CCDC60: variants seen among roughly 807,000 people sequenced by gnomAD.
CCDC60 encodes the protein coiled-coil domain-containing protein 60.
A neutral mutation model predicts 63.5 loss-of-function variants in CCDC60; 54 were observed. That is an observed-to-expected ratio of 0.85 (90% CI 0.68 to 1.07). The LOEUF is 1.07. Among genes scored for constraint, CCDC60 ranks in the 50% least tolerant of loss-of-function variants. The probability of loss-of-function intolerance (pLI) is 0.00; values close to 1 mark genes in which losing one functional copy is unlikely to be tolerated. For missense variants in CCDC60, 651 were observed against 684.3 expected, an observed-to-expected ratio of 0.95 and a Z score of 0.54; for synonymous variants, 206 against 238.8, an observed-to-expected ratio of 0.86 and a Z score of 1.27.
intron 1 of CCDC60, among the ~76,000 whole-genome samples, chr12:119,358,153 C>T (rs572458180): frequency 1.3e-5 from 2 of 152,316 alleles, no homozygotes; most frequent in East Asian, 3.9e-4. Flanking sequence ...CACCAGGCCC[C>T]ACCTCCAACA....
chr12:119,355,359 T>C (rs1469715435), intron 1 of CCDC60, among the ~76,000 whole-genome samples: 1 of 152,236 alleles, frequency 6.6e-6, no homozygotes, highest in Non-Finnish European at 1.5e-5. Context: ...TCTCCTTGTT[T>C]TCTTCCTCCC....
chr12:119,444,484 T>G (rs1284253534), intron 2 of CCDC60, among the ~76,000 whole-genome samples: 1 of 152,224 alleles, frequency 6.6e-6, no homozygotes, highest in East Asian at 1.9e-4. Context: ...TTCTTTTATT[T>G]TTCCAGTTAG....
At chr12:119,433,337 G>T (rs1950266713) in intron 2 of CCDC60, 1 of 693,442 alleles carries the variant, frequency 1.4e-6, no homozygotes, top group Middle Eastern at 3.4e-4. Flanking sequence ...CCCAACAGAC[G>T]CATTAAATGT....
At chr12:119,523,450 G>T (rs146478185) in intron 10 of CCDC60, among the ~76,000 whole-genome samples, 220 of 152,336 alleles carry the variant, frequency 1.4e-3, no homozygotes, top group African/African-American at 4.9e-3. Flanking sequence ...GTGACCAGTT[G>T]TCTCACTGTG....
Position 119,426,797 on chromosome 12 carries a change from G to A in CCDC60, c.91-1886G>A, listed in dbSNP as rs35320334. 8.8e-3 allele frequency among the ~76,000 whole-genome samples: 1,342 copies of A among 152,242 alleles called. 22 individuals are homozygous for A. Among genetic ancestry groups the A allele is most frequent in the African/African-American group, 0.03 (1,258 of 41,528 alleles). ...CCAGGAGAAAAATGGAATCAAGCAG[G>A]CCAGAAGCAGTTCCTTCCTCCACTT... On this transcript the variant is annotated intron_variant, in intron 1 of 13. Transcript: ENST00000327554.
At chr12:119,515,711 G>A (rs1271345335) in intron 7 of CCDC60, among the ~76,000 whole-genome samples, 1 of 152,132 alleles carries the variant, frequency 6.6e-6, no homozygotes, top group Non-Finnish European at 1.5e-5. Context: ...GAGAGCAGTC[G>A]CCTATCTAAA....
At chr12:119,382,391 G>T (rs979516683) in intron 1 of CCDC60, among the ~76,000 whole-genome samples, 2 of 152,210 alleles carry the variant, frequency 1.3e-5, no homozygotes, top group African/African-American at 4.8e-5. Flanking sequence ...CACCATTTCT[G>T]CCCTCTGTCT....
intron 13 of CCDC60, among the ~76,000 whole-genome samples, chr12:119,538,848 T>C (rs915747013): frequency 1.2e-4 from 18 of 152,238 alleles, no homozygotes; most frequent in Non-Finnish European, 1.9e-4. Context: ...TGGTCTCTGA[T>C]GTTGGTGACC....
intron 2 of CCDC60, among the ~76,000 whole-genome samples, chr12:119,458,004 T>G (rs2136298084): frequency 6.6e-6 from 1 of 152,324 alleles, no homozygotes; most frequent in East Asian, 1.9e-4. Flanking sequence ...CTCTATGGGT[T>G]GCCTGAAAAT....
chr12:119,339,789 C>T (rs2136141127), intron 1 of CCDC60, among the ~76,000 whole-genome samples: 1 of 152,322 alleles, frequency 6.6e-6, no homozygotes, highest in East Asian at 1.9e-4. Flanking sequence ...GCCGGGGTGA[C>T]AGAGCGAGAT....
intron 2 of CCDC60, among the ~76,000 whole-genome samples, chr12:119,469,646 G>A (rs1465203623): frequency 1.3e-5 from 2 of 152,240 alleles, no homozygotes; most frequent in East Asian, 1.9e-4. Flanking sequence ...GCCCAGCGGG[G>A]GCAATTGTGC....
At chr12:119,489,658 G>T (rs948399105) in intron 5 of CCDC60, among the ~76,000 whole-genome samples, 7 of 152,162 alleles carry the variant, frequency 4.6e-5, no homozygotes, top group African/African-American at 1.7e-4. Context: ...CAAAAGTAAA[G>T]AACCCTGACT....
intron 1 of CCDC60, among the ~76,000 whole-genome samples, chr12:119,397,421 C>T (rs577861080): frequency 2.6e-5 from 4 of 151,916 alleles, no homozygotes; most frequent in African/African-American, 4.8e-5. Flanking sequence ...CTGATTGGTG[C>T]GTTTACAATC....
chr12:119,529,782 G>C (rs113433280), intron 12 of CCDC60, among the ~76,000 whole-genome samples: 2,469 of 152,234 alleles, frequency 0.016, 56 homozygotes, highest in African/African-American at 0.056. Flanking sequence ...GAATTTGGGG[G>C]GAGGAGGAAA....
intron 1 of CCDC60, among the ~76,000 whole-genome samples, chr12:119,376,782 G>A (rs191129953): frequency 7.2e-5 from 11 of 152,234 alleles, no homozygotes; most frequent in African/African-American, 2.4e-4. Flanking sequence ...CAACAGAGTG[G>A]CTACTTTATA....
intron 9 of CCDC60, among the ~76,000 whole-genome samples, chr12:119,521,017 T>C (rs1952512181): frequency 1.3e-5 from 2 of 152,194 alleles, no homozygotes; most frequent in South Asian, 4.1e-4. Context: ...ATCTATGGAC[T>C]CCTTTAAGAA....
At chr12:119,426,355 T>A (rs2102955) in intron 1 of CCDC60, among the ~76,000 whole-genome samples, 66,954 of 147,440 alleles carry the variant, frequency 0.45, 14,999 homozygotes, top group South Asian at 0.67. Context: ...TTATTTATTT[T>A]TGTTTTGTTT....
chr12:119,385,256 C>A (rs1272934600), intron 1 of CCDC60, among the ~76,000 whole-genome samples: 1 of 152,300 alleles, frequency 6.6e-6, no homozygotes, highest in Middle Eastern at 3.4e-3. Flanking sequence ...CCCTTGCTCT[C>A]CAGCCTCCAG....
chr12:119,487,443 G>A (rs966180837), intron 4 of CCDC60, among the ~76,000 whole-genome samples: 2 of 152,006 alleles, frequency 1.3e-5, no homozygotes, highest in African/African-American at 4.8e-5. Context: ...GATTACAGGG[G>A]CCTGCCACCG....
Sources: gnomAD v4.1 joint callset for allele counts (sites outside exome capture counted in the v4.1 genomes callset) on GRCh38, gnomAD v4.1.1 for gene constraint, MANE v1.5 for transcripts, NCBI Gene and HGNC (gene_info 2026-07-23, HGNC 2026-07-21) for gene names.